RNLS: variants seen among roughly 807,000 people sequenced by gnomAD.
The protein encoded by RNLS is renalase, FAD dependent amine oxidase.
In RNLS, 39 loss-of-function variants were observed where a neutral mutation model predicts 39.8. That is an observed-to-expected ratio of 0.98 (90% CI 0.76 to 1.28). The LOEUF (loss-of-function observed/expected upper bound fraction) is 1.28, where lower values mean the gene tolerates loss of function less well. RNLS is among the 50% of genes most tolerant of loss of function. The pLI is 0.00. For synonymous variants in RNLS, 147 were observed against 150.7 expected (o/e 0.98, Z 0.18); for missense variants, 410 against 413.3 (o/e 0.99, Z 0.07).
rs118095183 is a variant in RNLS, at chr10:88,323,139, C to T, written c.701-8498G>A. ...CTGATGAAAGAACACATAGATGACA[C>T]AAACAAATTGGAAAACATCCCATGC... is the stretch of plus-strand genomic sequence containing the variant. On this transcript the variant is annotated intron_variant, in intron 5 of 6. Coordinates refer to ENST00000331772, the MANE Select transcript of RNLS (RefSeq NM_001031709.3). Among the ~76,000 whole-genome samples, 610 of 152,210 alleles carry T rather than the reference C, an allele frequency of 4.0e-3. 3 individuals are homozygous for T. The highest frequency in any genetic ancestry group is 0.028 in the South Asian group (136 of 4,818).
intron 4 of RNLS, among the ~76,000 whole-genome samples, chr10:88,571,199 C>A (rs1849813986): frequency 6.6e-6 from 1 of 151,800 alleles, no homozygotes; most frequent in Non-Finnish European, 1.5e-5. Context: ...CCAGGCTGAC[C>A]TCGAACACCT....
intron 4 of RNLS, among the ~76,000 whole-genome samples, chr10:88,448,675 A>T (rs554608313): frequency 6.6e-6 from 1 of 152,382 alleles, no homozygotes; most frequent in African/African-American, 2.4e-5. Flanking sequence ...ATTATAAATC[A>T]TGCTGCTATA....
chr10:88,541,901 G>T (rs922096422), intron 4 of RNLS, among the ~76,000 whole-genome samples: 16 of 152,204 alleles, frequency 1.1e-4, no homozygotes, highest in African/African-American at 3.4e-4. Context: ...TGAGCATAGG[G>T]CATGAGGAAC....
At chr10:88,498,480 GT>G (rs201076794) in intron 4 of RNLS, among the ~76,000 whole-genome samples, 2 of 147,806 alleles carry the variant, frequency 1.4e-5, no homozygotes, top group East Asian at 2.0e-4. Context: ...AGCAGAAAAA[GT>G]TTTTTTTTCT....
chr10:88,205,186 C>T, the RNLS span, among the ~76,000 whole-genome samples: 1 of 152,074 alleles, frequency 6.6e-6, no homozygotes, highest in African/African-American at 2.4e-5. Context: ...ATCTCCAAAA[C>T]GCAAGGGTCA....
At chr10:88,187,527 G>A in the RNLS span, among the ~76,000 whole-genome samples, 2 of 152,112 alleles carry the variant, frequency 1.3e-5, no homozygotes, top group Non-Finnish European at 2.9e-5. Context: ...GAAAACTGAT[G>A]TGCTACCTTT....
chr10:88,215,221 C>T, the RNLS span, among the ~76,000 whole-genome samples: 1 of 151,476 alleles, frequency 6.6e-6, no homozygotes, highest in African/African-American at 2.4e-5. Context: ...TAATGGCTAC[C>T]TATTATTGAG....
intron 5 of RNLS, chr10:88,343,881 T>C (rs773189808): frequency 1.3e-5 from 12 of 944,712 alleles, no homozygotes; most frequent in Admixed American, 6.2e-5. Context: ...GGATTTGTCC[T>C]AACTCACATT....
intron 4 of RNLS, among the ~76,000 whole-genome samples, chr10:88,490,228 C>T (rs1253412985): frequency 5.3e-5 from 8 of 152,104 alleles, no homozygotes; most frequent in Non-Finnish European, 5.9e-5. Flanking sequence ...AGTGCCTCAA[C>T]GTTATTTTGT....
intron 4 of RNLS, among the ~76,000 whole-genome samples, chr10:88,365,821 A>G (rs1451864756): frequency 6.6e-6 from 1 of 151,986 alleles, no homozygotes; most frequent in African/African-American, 2.4e-5. Context: ...GAGGAACAGA[A>G]GACCTGGCTG....
the RNLS span, among the ~76,000 whole-genome samples, chr10:88,192,896 G>C: frequency 6.6e-6 from 1 of 152,212 alleles, no homozygotes; most frequent in African/African-American, 2.4e-5. Context: ...GTGGTACCCT[G>C]TTGAAGGAAG....
intron 5 of RNLS, among the ~76,000 whole-genome samples, chr10:88,357,169 A>G (rs1849255883): frequency 6.6e-6 from 1 of 152,230 alleles, no homozygotes; most frequent in South Asian, 2.1e-4. Context: ...AAGTCTTCAT[A>G]TGTTCGAATC....
chr10:88,449,236 A>G (rs1842225819), intron 4 of RNLS, among the ~76,000 whole-genome samples: 1 of 152,250 alleles, frequency 6.6e-6, no homozygotes, highest in African/African-American at 2.4e-5. Flanking sequence ...TTTATTGAAT[A>G]CTAATCTCAT....
At chr10:88,189,447 G>A in the RNLS span, among the ~76,000 whole-genome samples, 16 of 152,178 alleles carry the variant, frequency 1.1e-4, no homozygotes, top group East Asian at 1.9e-3. Flanking sequence ...AAAACTTATC[G>A]TGGGGTTTAA....
chr10:88,333,169 G>T (rs924062121), intron 5 of RNLS, among the ~76,000 whole-genome samples: 1 of 152,138 alleles, frequency 6.6e-6, no homozygotes, highest in African/African-American at 2.4e-5. Context: ...TTTTTGAAAT[G>T]CCTGGCTTAA....
chr10:88,533,822 T>C (rs945036399), intron 4 of RNLS, among the ~76,000 whole-genome samples: 3 of 152,046 alleles, frequency 2.0e-5, no homozygotes, highest in East Asian at 1.9e-4. Context: ...ATCCCACAAA[T>C]AGTCTAAACC....
At chr10:88,203,358 G>A in the RNLS span, among the ~76,000 whole-genome samples, 1 of 1,460 alleles carries the variant, frequency 6.8e-4, no homozygotes, top group East Asian at 4.1e-3. Flanking sequence ...ATATATATAC[G>A]TATGTGTGTG....
chr10:88,384,412 A>AACTT (rs1236041035), intron 4 of RNLS, among the ~76,000 whole-genome samples: 2 of 152,190 alleles, frequency 1.3e-5, no homozygotes, highest in Non-Finnish European at 2.9e-5. Context: ...CACATGAAAA[A>AACTT]ACTTAGGCTC....
intron 4 of RNLS, among the ~76,000 whole-genome samples, chr10:88,497,976 G>A (rs2134093944): frequency 6.6e-6 from 1 of 151,672 alleles, no homozygotes; most frequent in Admixed American, 6.6e-5. Flanking sequence ...CTAGTCAAGA[G>A]CATAAAATTT....
Sources: allele counts gnomAD v4.1 joint callset (sites outside exome capture counted in the v4.1 genomes callset), GRCh38; gene constraint gnomAD v4.1.1; transcripts MANE v1.5; gene names NCBI Gene and HGNC (gene_info 2026-07-23, HGNC 2026-07-21).